Variants in GLDC observed in about 807,000 individuals in gnomAD.
GLDC encodes the protein glycine dehydrogenase (decarboxylating), mitochondrial.
In GLDC, 104 loss-of-function variants were observed where a neutral mutation model predicts 121.3. The ratio of observed to expected loss-of-function variants is 0.86; its 90% CI spans 0.73 to 1.01. GLDC has a LOEUF of 1.01. GLDC is among the 50% of genes least tolerant of loss of function. The pLI, the probability that GLDC is intolerant of heterozygous loss-of-function variation, is 0.00. For missense variants in GLDC, 1,429 were observed against 1,306.6 expected (o/e 1.09, Z -1.44); for synonymous variants, 546 against 480.6 (o/e 1.14, Z -1.78).
intron 8 of GLDC, among the ~76,000 whole-genome samples, chr9:6,596,010 C>T (rs1818488194): frequency 6.6e-6 from 1 of 152,194 alleles, no homozygotes; most frequent in Admixed American, 6.5e-5. Flanking sequence ...TGGAAGTAGG[C>T]ATTCTTGTAC....
intron 3 of GLDC, 63 bp from the exon 4 acceptor site, chr9:6,610,419 T>C (rs1425807027): frequency 2.0e-6 from 3 of 1,532,038 alleles, no homozygotes; most frequent in Admixed American, 1.7e-5. Context: ...CACAAAATGC[T>C]ATCATTTCAG....
At chr9:6,582,969 C>A (rs958762294) in intron 15 of GLDC, among the ~76,000 whole-genome samples, 20 of 152,262 alleles carry the variant, frequency 1.3e-4, no homozygotes, top group African/African-American at 4.8e-4. Flanking sequence ...AGATGCTCAA[C>A]ATTGCTAATC....
chr9:6,556,777 G>C (rs1414712269), intron 17 of GLDC, among the ~76,000 whole-genome samples: 2 of 146,612 alleles, frequency 1.4e-5, no homozygotes, highest in African/African-American at 5.1e-5. Flanking sequence ...TTGGACAACA[G>C]AGAGAGACTC....
chr9:6,591,945 A>G, intron 11 of GLDC, 198 bp downstream of exon 11: 1 of 595,768 alleles, frequency 1.7e-6, no homozygotes, highest in Non-Finnish European at 3.0e-6. Context: ...GCCTGGGTGC[A>G]TAATACTGGC....
chr9:6,550,064 GCTTAC>G (rs562120081), intron 21 of GLDC, among the ~76,000 whole-genome samples: 8 of 152,086 alleles, frequency 5.3e-5, no homozygotes, highest in Non-Finnish European at 1.2e-4. Context: ...CTGTGTCTCT[GCTTAC>G]TCAGGCTCTC....
chr9:6,583,417 G>A (rs778249873), intron 15 of GLDC, among the ~76,000 whole-genome samples: 2 of 152,222 alleles, frequency 1.3e-5, no homozygotes, highest in East Asian at 1.9e-4. Flanking sequence ...GATCATGCTT[G>A]TAATCCCAGG....
At chr9:6,539,260 C>T (rs1005664344) in intron 22 of GLDC, among the ~76,000 whole-genome samples, 18 of 152,142 alleles carry the variant, frequency 1.2e-4, no homozygotes, top group African/African-American at 3.4e-4. Context: ...GGTGGATTGC[C>T]TGAGCTCAGG....
chr9:6,630,363 C>T (rs2129983355), intron 2 of GLDC, among the ~76,000 whole-genome samples: 1 of 152,242 alleles, frequency 6.6e-6, no homozygotes. Context: ...TCCCATCAGT[C>T]CCAGGCATCA....
chr9:6,595,005 C>A lies in GLDC; in HGVS notation c.1261+9G>T, dbSNP rs2129861490. 1 of 1,503,402 alleles carries A rather than the reference C, an allele frequency of 6.7e-7. No individual in the cohort carries two copies. The highest frequency in any genetic ancestry group is 9.3e-7 in the Non-Finnish European group (1 of 1,078,938). 93.1% of individuals were successfully genotyped at this position (1,503,402 alleles called of 1,614,324 possible). A position where few individuals can be genotyped will look rare whatever the true frequency, so the allele number is the denominator to read the frequency against. On this transcript the variant is annotated intron_variant, in intron 9 of 24. Coordinates refer to ENST00000321612, the MANE Select transcript of GLDC (RefSeq NM_000170.3). ...ATGCCCAAATGTTTTAGACAGATTACCAACTCACCTTCTGACAAAATCAAA... is the reference window on the plus strand; with the variant it reads ...ATGCCCAAATGTTTTAGACAGATTAACAACTCACCTTCTGACAAAATCAAA...
intron 11 of GLDC, among the ~76,000 whole-genome samples, chr9:6,591,613 T>C (rs570819059): frequency 6.6e-6 from 1 of 152,290 alleles, no homozygotes; most frequent in Admixed American, 6.5e-5. Flanking sequence ...AGATGGAGTT[T>C]TGCTCTTGCT....
intron 3 of GLDC, among the ~76,000 whole-genome samples, chr9:6,611,176 T>A (rs1311717369): frequency 6.6e-6 from 1 of 152,228 alleles, no homozygotes; most frequent in Non-Finnish European, 1.5e-5. Context: ...ATGGAAATGT[T>A]TAGAAGGCAA....
Position 6,645,544 on chromosome 9 carries a change from C to G in GLDC, c.-45G>C. The G allele has an allele frequency of 7.8e-7, 1 of 1,279,676 alleles. No individual in the cohort carries two copies. Among genetic ancestry groups the G allele is most frequent in the Non-Finnish European group, 1.0e-6 (1 of 1,003,752 alleles). 79.3% of individuals were successfully genotyped at this position (1,279,676 alleles called of 1,614,324 possible). ...TGCCCCGGCCCGCAAGGGTCAGCCG[C>G]GCTCTTGGCCCCTCTCCTGGCCTCG... On this transcript the variant is annotated 5_prime_UTR_variant, in exon 1 of 25. Transcript: ENST00000321612.
At chr9:6,601,740 T>C (rs995914956) in intron 8 of GLDC, among the ~76,000 whole-genome samples, 4 of 152,150 alleles carry the variant, frequency 2.6e-5, no homozygotes, top group African/African-American at 9.7e-5. Context: ...TCCTCCCACC[T>C]GAGCCTCCCT....
chr9:6,587,559 A>G (rs570547185), intron 14 of GLDC, among the ~76,000 whole-genome samples: 1 of 152,348 alleles, frequency 6.6e-6, no homozygotes, highest in South Asian at 2.1e-4. Context: ...CCCAAAACAG[A>G]TTTCTTTCCA....
At chr9:6,606,997 A>G (rs1276454241) in intron 4 of GLDC, among the ~76,000 whole-genome samples, 1 of 152,122 alleles carries the variant, frequency 6.6e-6, no homozygotes, top group Non-Finnish European at 1.5e-5. Context: ...AGGGAGGCCG[A>G]GGTTGCAGTG....
At chr9:6,608,390 C>G (rs1169323692) in intron 4 of GLDC, among the ~76,000 whole-genome samples, 2 of 148,842 alleles carry the variant, frequency 1.3e-5, no homozygotes, top group African/African-American at 5.0e-5. Flanking sequence ...CCAGTGCACT[C>G]CAGCCTGAGT....
chr9:6,588,918 G>T (rs557974446), intron 12 of GLDC, among the ~76,000 whole-genome samples: 2 of 152,292 alleles, frequency 1.3e-5, no homozygotes, highest in East Asian at 1.9e-4. Context: ...ATGAGTTGAA[G>T]GTTGGGAAGA....
intron 15 of GLDC, among the ~76,000 whole-genome samples, chr9:6,572,785 C>G (rs1211982387): frequency 3.3e-5 from 5 of 152,156 alleles, no homozygotes. Context: ...GTGAACTGCC[C>G]AATAACTTCC....
rs1271552143 is a variant in GLDC at position 6,550,811 on chromosome 9, C to T, written c.2561G>A (p.Gly854Asp). 5 of 1,606,006 alleles carry T rather than the reference C, an allele frequency of 3.1e-6. No individual in the cohort carries two copies. Among genetic ancestry groups the T allele is most frequent in the Non-Finnish European group, 3.4e-6 (4 of 1,172,630 alleles). The stretch of plus-strand genomic sequence containing the variant: ...TTAAAGTTGATACTTGCCTCTTGCA[C>T]CCCTGAAAAGAATTCTGTAGTGTGT... ...LETHYRILFR[G>D]ARGYVGHEFI... The change falls in exon 21 of 25, where the codon GGT (glycine) becomes GAT (aspartate). Residue 854 changes from glycine (G) to aspartate (D), a missense_variant. By Grantham distance (94) the Gly-to-Asp change is moderately conservative. Transcript: ENST00000321612.
Sources: gnomAD v4.1 joint callset for allele counts (sites outside exome capture counted in the v4.1 genomes callset) on GRCh38, gnomAD v4.1.1 for gene constraint, MANE v1.5 for transcripts, NCBI Gene and HGNC (gene_info 2026-07-23, HGNC 2026-07-21) for gene names.